Variants in UBL3 observed in about 807,000 individuals in gnomAD.
UBL3 encodes the protein ubiquitin like 3.
A neutral mutation model predicts 18.4 loss-of-function variants in UBL3; 6 were observed. The observed-to-expected ratio is 0.33, with a 90% CI of 0.18 to 0.64. The LOEUF (loss-of-function observed/expected upper bound fraction) is 0.64. UBL3 is among the 30% of genes least tolerant of loss of function. The probability of loss-of-function intolerance (pLI) is 0.76; values close to 1 mark genes in which losing one functional copy is unlikely to be tolerated. For missense variants in UBL3, 109 were observed against 142.9 expected, an observed-to-expected ratio of 0.76 and a Z score of 1.21; for synonymous variants, 49 against 46.6, an observed-to-expected ratio of 1.05 and a Z score of -0.21.
At chr13:29,819,015 A>G (rs115914182) in intron 1 of UBL3, among the ~76,000 whole-genome samples, 110 of 152,300 alleles carry the variant, frequency 7.2e-4, no homozygotes, top group African/African-American at 2.6e-3. Flanking sequence ...ATATCTGGGA[A>G]TATTTATGAA....
chr13:29,775,498 C>T (rs982113303), intron 2 of UBL3, among the ~76,000 whole-genome samples: 1 of 151,994 alleles, frequency 6.6e-6, no homozygotes, highest in South Asian at 2.1e-4. Flanking sequence ...ATTGCTACTG[C>T]TAATAAAATT....
At position 29,777,279 on chromosome 13, in the gene UBL3, G is replaced by T; in HGVS notation, c.28-16C>A. ...GCAAATTTATCTGAAAGAAGACAAT[G>T]ATTCTTTTAACATAAATCTAAAAAT... On this transcript the variant is annotated splice_polypyrimidine_tract_variant and intron_variant, in intron 1 of 4. Coordinates refer to ENST00000380680, the MANE Select transcript of UBL3 (RefSeq NM_007106.4). The T allele has an allele frequency of 6.3e-7, 1 of 1,583,802 alleles. No individual in the cohort carries two copies. Among genetic ancestry groups the T allele is most frequent in the South Asian group, 1.2e-5 (1 of 84,878 alleles).
At chr13:29,844,302 A>G (rs1316659710) in intron 1 of UBL3, among the ~76,000 whole-genome samples, 1 of 152,156 alleles carries the variant, frequency 6.6e-6, no homozygotes, top group Non-Finnish European at 1.5e-5. Context: ...AAGTTCTCAT[A>G]TTTACTTCTC....
rs1188451683 is a variant in UBL3, at chr13:29,767,663, T to C, written c.256A>G (p.Met86Val). 1 of 1,612,948 alleles carries C rather than the reference T, an allele frequency of 6.2e-7. No homozygotes were observed. The highest frequency in any genetic ancestry group is 1.1e-5 in the South Asian group (1 of 91,052). Residue 86 changes from methionine (M) to valine (V), a missense_variant, in exon 4 of 5, where the codon ATG becomes GTG. Physicochemically the swap from Met to Val is conservative, Grantham distance 21. Transcript: ENST00000380680. The stretch of plus-strand genomic sequence containing the variant: ...AATGTCTCTCTGGCCACCAAATGCA[T>C]CACTGTTGTTTTGCCAAAAGGAAGT... ...LKLPFGKTTV[M>V]HLVARETLPE...
At chr13:29,769,968 C>T (rs143838417) in intron 3 of UBL3, among the ~76,000 whole-genome samples, 2 of 152,194 alleles carry the variant, frequency 1.3e-5, no homozygotes, top group Non-Finnish European at 2.9e-5. Flanking sequence ...AACAAGATCT[C>T]ACTAACTTTC....
intron 1 of UBL3, among the ~76,000 whole-genome samples, chr13:29,813,866 C>T (rs1386196265): frequency 6.6e-6 from 1 of 152,006 alleles, no homozygotes; most frequent in Non-Finnish European, 1.5e-5. Context: ...TAAACACCAC[C>T]ACAATATTCT....
intron 1 of UBL3, among the ~76,000 whole-genome samples, chr13:29,847,333 T>C (rs1879254158): frequency 6.6e-6 from 1 of 152,244 alleles, no homozygotes; most frequent in Non-Finnish European, 1.5e-5. Flanking sequence ...GGGCATTATA[T>C]ATTTATTACA....
chr13:29,839,700 G>T (rs916610863), intron 1 of UBL3, among the ~76,000 whole-genome samples: 8 of 152,144 alleles, frequency 5.3e-5, no homozygotes, highest in Admixed American at 2.6e-4. Context: ...GGCTGAGGCG[G>T]GAGGATCACG....
intron 1 of UBL3, among the ~76,000 whole-genome samples, chr13:29,836,089 A>C (rs1878955310): frequency 6.6e-6 from 1 of 152,180 alleles, no homozygotes; most frequent in African/African-American, 2.4e-5. Context: ...AGTCCAGGAG[A>C]GAGAGGGTAC....
In UBL3 at chr13:29,767,417, T is replaced by C; in HGVS notation, c.302-110A>G. 2.9e-6 allele frequency: 4 copies of C among 1,375,506 alleles called. 1 individual carries two copies. The highest frequency in any genetic ancestry group is 3.7e-4 in the Middle Eastern group (2 of 5,466). 85.2% of individuals were successfully genotyped at this position (1,375,506 alleles called of 1,614,324 possible). A position where few individuals can be genotyped will look rare whatever the true frequency, so the allele number is the denominator to read the frequency against. ...GTAGTTTTGAGTTTTTAAAAATGTTTGCATTTTTCAAAATTAAGAAGCTGT... is the reference window on the plus strand; with the variant it reads ...GTAGTTTTGAGTTTTTAAAAATGTTCGCATTTTTCAAAATTAAGAAGCTGT... On this transcript the variant is annotated intron_variant, in intron 4 of 4. Coordinates refer to ENST00000380680, the MANE Select transcript of UBL3 (RefSeq NM_007106.4).
intron 1 of UBL3, among the ~76,000 whole-genome samples, chr13:29,784,202 G>A (rs1490333195): frequency 6.6e-6 from 1 of 152,112 alleles, no homozygotes; most frequent in Non-Finnish European, 1.5e-5. Context: ...TATGTTTTTA[G>A]TTGGTCAGGA....
chr13:29,843,418 T>A lies in UBL3; in HGVS notation c.27+6094A>T, dbSNP rs551421444. On this transcript the variant is annotated intron_variant, in intron 1 of 4. Coordinates refer to ENST00000380680, the MANE Select transcript of UBL3 (RefSeq NM_007106.4). ...ATTATTAAATATATCTCCATTTTTT[T>A]AAATCTTAGTTTCTTCTTTTGTGAA... 2.9e-3 allele frequency among the ~76,000 whole-genome samples: 442 copies of A among 152,318 alleles called. 1 individual carries two copies. Among genetic ancestry groups the A allele is most frequent in the African/African-American group, 0.01 (425 of 41,592 alleles).
Position 29,767,026 on chromosome 13 carries a change from T to C in UBL3, c.*229A>G, listed in dbSNP as rs1037403520. On this transcript the variant is annotated 3_prime_UTR_variant, in exon 5 of 5. Transcript: ENST00000380680. ...GATTGACTGCATTCAAAAACCAATA[T>C]GTGTTAAAACAGCTCAACAAAAAAT... The C allele has an allele frequency of 8.1e-6, 3 of 370,970 alleles. No homozygotes were observed. Among genetic ancestry groups the C allele is most frequent in the African/African-American group, 2.1e-5 (1 of 47,726 alleles). 23.0% of individuals were successfully genotyped at this position (370,970 alleles called of 1,614,324 possible). A position where few individuals can be genotyped will look rare whatever the true frequency, so the allele number is the denominator to read the frequency against.
At position 29,766,156 on chromosome 13, in the gene UBL3, T is replaced by C. The variant is rs950136118; in HGVS notation, c.*1099A>G. The C allele has an allele frequency of 1.3e-5, 2 of 152,578 alleles. No homozygotes were observed. Among genetic ancestry groups the C allele is most frequent in the African/African-American group, 4.8e-5 (2 of 41,442 alleles). 9.5% of individuals were successfully genotyped at this position (152,578 alleles called of 1,614,324 possible). On this transcript the variant is annotated 3_prime_UTR_variant, in exon 5 of 5. Coordinates refer to ENST00000380680, the MANE Select transcript of UBL3 (RefSeq NM_007106.4). ...AGTGCTGTGCAAATTGTTTTTAGCA[T>C]ATCAATCTTTAAATTATTGGTATGA...
At chr13:29,800,527 A>T (rs1877733528) in intron 1 of UBL3, among the ~76,000 whole-genome samples, 1 of 152,262 alleles carries the variant, frequency 6.6e-6, no homozygotes, top group East Asian at 1.9e-4. Flanking sequence ...GGCAGAAGAA[A>T]AAAAGCTATG....
At chr13:29,844,451 G>A (rs1303227816) in intron 1 of UBL3, among the ~76,000 whole-genome samples, 2 of 152,064 alleles carry the variant, frequency 1.3e-5, no homozygotes, top group African/African-American at 4.8e-5. Context: ...TACACAGACA[G>A]GTACCCAATA....
intron 1 of UBL3, among the ~76,000 whole-genome samples, chr13:29,832,754 A>G (rs768310912): frequency 1.4e-4 from 22 of 152,180 alleles, no homozygotes; most frequent in Non-Finnish European, 5.9e-5. Context: ...CACTCTGGCT[A>G]CTTTTCCTTG....
chr13:29,775,057 T>C (rs1876944916), intron 2 of UBL3, among the ~76,000 whole-genome samples: 1 of 152,196 alleles, frequency 6.6e-6, no homozygotes, highest in Admixed American at 6.5e-5. Context: ...GGTTTTATGG[T>C]GACTCTACAG....
intron 1 of UBL3, among the ~76,000 whole-genome samples, chr13:29,817,649 T>A (rs899786745): frequency 8.5e-5 from 13 of 152,352 alleles, no homozygotes; most frequent in South Asian, 2.1e-4. Context: ...ATAATTTTTT[T>A]AAAATTCCAT....
Sources: gnomAD v4.1 joint callset for allele counts (sites outside exome capture counted in the v4.1 genomes callset) on GRCh38, gnomAD v4.1.1 for gene constraint, MANE v1.5 for transcripts, NCBI Gene and HGNC (gene_info 2026-07-23, HGNC 2026-07-21) for gene names.